MELTF: variants seen among roughly 807,000 people sequenced by gnomAD.
The protein encoded by MELTF is antigen p97 (melanoma associated) identified by monoclonal antibodies 133.2 and 96.5.
MELTF carries 67 observed loss-of-function variants against 83.7 expected under a neutral mutation model. The ratio of observed to expected loss-of-function variants is 0.80; its 90% CI spans 0.66 to 0.98. The LOEUF is 0.98. Among genes scored for constraint, MELTF ranks in the 50% least tolerant of loss-of-function variants. The pLI is 0.00. For missense variants in MELTF, 1,002 were observed against 1,035.6 expected (o/e 0.97, Z 0.44); for synonymous variants, 462 against 447.6 (o/e 1.03, Z -0.41).
At chr3:197,027,688 G>C (rs1719912897) in intron 2 of MELTF, 68 bp downstream of exon 2, 1 of 1,523,946 alleles carries the variant, frequency 6.6e-7, no homozygotes, top group African/African-American at 1.4e-5. Flanking sequence ...CTGGTGAATG[G>C]GGCTGTTGTG....
At chr3:197,014,918 G>A (rs1455916438) in intron 9 of MELTF, among the ~76,000 whole-genome samples, 1 of 152,104 alleles carries the variant, frequency 6.6e-6, no homozygotes, top group African/African-American at 2.4e-5. Context: ...ATTATTATTT[G>A]TCTATTTAGA....
chr3:197,015,254 C>A, intron 9 of MELTF, 111 bp downstream of exon 9: 1 of 1,275,196 alleles, frequency 7.8e-7, no homozygotes, highest in Non-Finnish European at 1.1e-6. Context: ...GGGCTTGTTG[C>A]AGTAGACACT....
intron 6 of MELTF, chr3:197,019,026 A>G (rs555637024): frequency 7.1e-6 from 7 of 985,484 alleles, no homozygotes; most frequent in East Asian, 2.3e-4. Context: ...GGAAGAAAAA[A>G]GATAATTTGT....
chr3:197,018,659 C>G (rs1719498065), intron 6 of MELTF, among the ~76,000 whole-genome samples: 1 of 148,964 alleles, frequency 6.7e-6, no homozygotes, highest in African/African-American at 2.5e-5. Flanking sequence ...GTTGGCCAGG[C>G]CGGTCTTGAA....
chr3:197,019,821 T>C, intron 6 of MELTF: 15 of 1,548,798 alleles, frequency 9.7e-6, no homozygotes, highest in Non-Finnish European at 1.3e-5. Context: ...AAGGCAATGG[T>C]TAATAACAGC....
intron 3 of MELTF, among the ~76,000 whole-genome samples, chr3:197,025,010 A>T (rs1178184564): frequency 6.6e-6 from 1 of 152,212 alleles, no homozygotes; most frequent in Non-Finnish European, 1.5e-5. Context: ...AGGCAGAGAC[A>T]GAGAGAACTA....
chr3:197,011,539 C>T lies in MELTF; in HGVS notation c.1234-745G>A, dbSNP rs1321264190. Among the ~76,000 whole-genome samples the T allele has an allele frequency of 6.6e-6, 1 of 152,200 alleles. No homozygotes were observed. Among genetic ancestry groups the T allele is most frequent in the African/African-American group, 2.4e-5 (1 of 41,456 alleles). ...GGACACCTGTGCCCCAGGAAGGTGT[C>T]CCACGCCATTCCTGAAGAGGCATGA... On this transcript the variant is annotated intron_variant, in intron 9 of 15. Transcript: ENST00000296350. This position sits in a 1 kb window ranked among gnomAD's most constrained non-coding sequence, Gnocchi z 4.2.
Position 197,006,442 on chromosome 3 carries a change from C to G in MELTF, c.1938+107G>C. ...TGAAAATCACAGAATTTCCCCCGGG[C>G]TTCCTCAATTTCTCTAGAGGTCTGC... On this transcript the variant is annotated intron_variant, in intron 14 of 15. Coordinates refer to ENST00000296350, the MANE Select transcript of MELTF (RefSeq NM_005929.6). The surrounding 1 kb of genome is among the most constrained non-coding windows in gnomAD (Gnocchi z 5.4). 1.0e-6 allele frequency: 1 copy of G among 978,414 alleles called. No homozygotes were observed. The highest frequency in any genetic ancestry group is 1.4e-6 in the Non-Finnish European group (1 of 692,428). 60.6% of individuals were successfully genotyped at this position (978,414 alleles called of 1,614,324 possible). A position where few individuals can be genotyped will look rare whatever the true frequency, so the allele number is the denominator to read the frequency against.
chr3:197,003,108 T>C lies in MELTF; in HGVS notation c.*264A>G, dbSNP rs1718810109. 3.0e-5 allele frequency: 5 copies of C among 167,868 alleles called. No individual in the cohort carries two copies. Among genetic ancestry groups the C allele is most frequent in the South Asian group, 3.9e-4 (2 of 5,162 alleles). 10.4% of individuals were successfully genotyped at this position (167,868 alleles called of 1,614,324 possible). A position where few individuals can be genotyped will look rare whatever the true frequency, so the allele number is the denominator to read the frequency against. The stretch of plus-strand genomic sequence containing the variant: ...GGGAAGCCCGGACTCAGCGGTTTCC[T>C]GGGCAACCGGCCTCCTCCGGCGCGG... On this transcript the variant is annotated 3_prime_UTR_variant, in exon 16 of 16. Transcript: ENST00000296350. This position sits in a 1 kb window ranked among gnomAD's most constrained non-coding sequence, Gnocchi z 6.2.
In MELTF at chr3:197,029,569, A is replaced by C. The variant is rs972510299; in HGVS notation, c.49+85T>G. 2.7e-6 allele frequency: 3 copies of C among 1,119,480 alleles called. No individual in the cohort carries two copies. The highest frequency in any genetic ancestry group is 3.4e-6 in the Non-Finnish European group (3 of 884,892). The allele number at this position is 1,119,480 out of a possible 1,614,324, so 69.3% of individuals were successfully genotyped here. ...CTGCCCCGGAGCCGCAGGCTCAGGCACATTTCCAGCCCCGGGACCTGCTCA... is the reference window on the plus strand; with the variant it reads ...CTGCCCCGGAGCCGCAGGCTCAGGCCCATTTCCAGCCCCGGGACCTGCTCA... On this transcript the variant is annotated intron_variant, in intron 1 of 15. Coordinates refer to ENST00000296350, the MANE Select transcript of MELTF (RefSeq NM_005929.6). This position sits in a 1 kb window ranked among gnomAD's most constrained non-coding sequence, Gnocchi z 6.5.
At chr3:197,023,189 G>T in intron 4 of MELTF, 76 bp from the exon 5 acceptor site, 2 of 1,478,640 alleles carry the variant, frequency 1.4e-6, no homozygotes. Flanking sequence ...GTCAGCAGGG[G>T]GCCCGGGCTC....
intron 11 of MELTF, among the ~76,000 whole-genome samples, 155 bp downstream of exon 11, chr3:197,009,463 G>T (rs569726444): frequency 6.6e-6 from 1 of 152,188 alleles, no homozygotes; most frequent in Non-Finnish European, 1.5e-5. Flanking sequence ...ATAGCATATG[G>T]TGGGTCCTTC....
Position 197,003,017 on chromosome 3 carries a change from AC to A in MELTF, c.*354del, listed in dbSNP as rs554548769. The A allele has an allele frequency of 7.9e-3, 1,187 of 149,840 alleles. 16 individuals carry two copies. Among genetic ancestry groups the A allele is most frequent in the Non-Finnish European group, 0.011 (707 of 67,222 alleles). 9.3% of individuals were successfully genotyped at this position (149,840 alleles called of 1,614,324 possible). ...ACCGCGTCCCCAGGGGGCCTCGCGG[AC>A]GGGGGCGCGGGGCTGCGGGGAGGAG... On this transcript the variant is annotated 3_prime_UTR_variant, in exon 16 of 16. Transcript: ENST00000296350. The surrounding 1 kb of genome is among the most constrained non-coding windows in gnomAD (Gnocchi z 6.2).
At chr3:197,027,541 G>T (rs1413982344) in intron 2 of MELTF, among the ~76,000 whole-genome samples, 1 of 152,252 alleles carries the variant, frequency 6.6e-6, no homozygotes, top group Non-Finnish European at 1.5e-5. Flanking sequence ...TTCTTTGCTG[G>T]CGCCCTCTGA....
Position 197,006,540 on chromosome 3 carries a change from C to G in MELTF, c.1938+9G>C. The G allele has an allele frequency of 1.2e-6, 2 of 1,610,120 alleles. No individual in the cohort carries two copies. The highest frequency in any genetic ancestry group is 1.1e-5 in the South Asian group (1 of 90,700). ...CACCCCTCAATGAGGTAGCCCCACC[C>G]TGGCTCACCTGGGCCTTGTCCAGCA... On this transcript the variant is annotated intron_variant, in intron 14 of 15. Transcript: ENST00000296350. This position sits in a 1 kb window ranked among gnomAD's most constrained non-coding sequence, Gnocchi z 5.4.
chr3:197,016,136 G>A lies in MELTF; in HGVS notation c.1081+53C>T. 1.4e-6 allele frequency: 2 copies of A among 1,427,338 alleles called. No homozygotes were observed. Among genetic ancestry groups the A allele is most frequent in the Non-Finnish European group, 1.9e-6 (2 of 1,077,086 alleles). 88.4% of individuals were successfully genotyped at this position (1,427,338 alleles called of 1,614,324 possible). On this transcript the variant is annotated intron_variant, in intron 8 of 15. Coordinates refer to ENST00000296350, the MANE Select transcript of MELTF (RefSeq NM_005929.6). ...CCACTTTCCCAGAGAGCCTCGCCAT[G>A]CCCGAGGTTGAGCTGGGCTGGAGCT... is the stretch of plus-strand genomic sequence containing the variant.
Position 197,006,427 on chromosome 3 carries a change from A to C in MELTF, c.1938+122T>G. 1.2e-6 allele frequency: 1 copy of C among 841,462 alleles called. No homozygotes were observed. The highest frequency in any genetic ancestry group is 1.8e-6 in the Non-Finnish European group (1 of 570,776). The allele number at this position is 841,462 out of a possible 1,614,324, so 52.1% of individuals were successfully genotyped here. On this transcript the variant is annotated intron_variant, in intron 14 of 15. Transcript: ENST00000296350. The surrounding 1 kb of genome is among the most constrained non-coding windows in gnomAD (Gnocchi z 5.4). ...ATGTCCTTGCGTAAGTGAAAATCAC[A>C]GAATTTCCCCCGGGCTTCCTCAATT... is the stretch of plus-strand genomic sequence containing the variant.
rs539173497 is a variant in MELTF, at chr3:197,018,402, C to G, written c.713-1112G>C. On this transcript the variant is annotated intron_variant, in intron 6 of 15. Transcript: ENST00000296350. ...TCCTGACCTCGTGATCCACCCACCT[C>G]GGCCTCCCAAAGTGCTGGGATTACA... Among the ~76,000 whole-genome samples, 3 of 152,188 alleles carry G rather than the reference C, an allele frequency of 2.0e-5. No individual in the cohort carries two copies. In the East Asian group the frequency reaches 5.8e-4, roughly 29 times the overall value.
In MELTF at chr3:197,022,007, C is replaced by T. The variant is rs190567736; in HGVS notation, c.645-536G>A. ...TAGCTGGGGTGACAGGTGTGTGCCA[C>T]CATGCTGGGCTAATTTTCAGGGTGT... is the stretch of plus-strand genomic sequence containing the variant. On this transcript the variant is annotated intron_variant, in intron 5 of 15. Coordinates refer to ENST00000296350, the MANE Select transcript of MELTF (RefSeq NM_005929.6). The surrounding 1 kb of genome is among the most constrained non-coding windows in gnomAD (Gnocchi z 5.1). Among the ~76,000 whole-genome samples, 39 of 152,230 alleles carry T rather than the reference C, an allele frequency of 2.6e-4. No individual in the cohort carries two copies. The East Asian group carries it at 6.6e-3, about 26-fold the overall frequency.
Sources: allele counts gnomAD v4.1 joint callset (sites outside exome capture counted in the v4.1 genomes callset), GRCh38; gene constraint gnomAD v4.1.1; non-coding constraint Gnocchi (gnomAD v3.1); transcripts MANE v1.5; gene names NCBI Gene and HGNC (gene_info 2026-07-23, HGNC 2026-07-21).